LRRFIP2: variants seen among roughly 807,000 people sequenced by gnomAD.
LRRFIP2 encodes the protein LRR binding FLII interacting protein 2, also known as leucine-rich repeat flightless-interacting protein 2.
A neutral mutation model predicts 125.9 loss-of-function variants in LRRFIP2; 109 were observed. The observed-to-expected ratio is 0.87, with a 90% CI of 0.74 to 1.01. The LOEUF (loss-of-function observed/expected upper bound fraction) is 1.01. LRRFIP2 is among the 50% of genes least tolerant of loss of function. The pLI is 0.00. For missense variants in LRRFIP2, 850 were observed against 862.3 expected, an observed-to-expected ratio of 0.99 and a Z score of 0.18; for synonymous variants, 291 against 293.1, an observed-to-expected ratio of 0.99 and a Z score of 0.07.
chr3:37,125,032 A>G (rs188265840), intron 4 of LRRFIP2, among the ~76,000 whole-genome samples: 12 of 90,106 alleles, frequency 1.3e-4, no homozygotes, highest in African/African-American at 5.2e-4. Flanking sequence ...AGACTGGACA[A>G]ACAGTACAAC....
intron 14 of LRRFIP2, among the ~76,000 whole-genome samples, chr3:37,103,837 A>G (rs2094190964): frequency 6.6e-6 from 1 of 152,238 alleles, no homozygotes; most frequent in Non-Finnish European, 1.5e-5. Context: ...TAAATTCCAT[A>G]AAGTCAGAAA....
chr3:37,155,212 A>C (rs1267937002), intron 1 of LRRFIP2, among the ~76,000 whole-genome samples: 2 of 152,252 alleles, frequency 1.3e-5, no homozygotes. Context: ...AAATGAATTA[A>C]GAAAAATCCA....
Position 37,103,025 on chromosome 3 carries a change from A to T in LRRFIP2, c.784-12T>A, listed in dbSNP as rs747264845. Reference sequence around the variant, plus strand: ...TCAGCGGCAGATACCTTTCGGTCAGAAAAAAAACAAGATGCTTTCAAGGTT... The same window carrying T: ...TCAGCGGCAGATACCTTTCGGTCAGTAAAAAAACAAGATGCTTTCAAGGTT... On this transcript the variant is annotated splice_polypyrimidine_tract_variant and intron_variant, in intron 14 of 27. Coordinates refer to ENST00000336686, the MANE Select transcript of LRRFIP2 (RefSeq NM_006309.4). 1 of 1,539,820 alleles carries T rather than the reference A, an allele frequency of 6.5e-7. No homozygotes were observed. The highest frequency in any genetic ancestry group is 8.8e-7 in the Non-Finnish European group (1 of 1,138,246).
intron 24 of LRRFIP2, among the ~76,000 whole-genome samples, chr3:37,063,419 C>A (rs1167618877): frequency 2.6e-5 from 4 of 152,172 alleles, no homozygotes; most frequent in Non-Finnish European, 5.9e-5. Context: ...TACAGAGATA[C>A]AAGGACAGTA....
At chr3:37,108,954 T>C (rs1475557256) in intron 11 of LRRFIP2, among the ~76,000 whole-genome samples, 1 of 152,158 alleles carries the variant, frequency 6.6e-6, no homozygotes, top group African/African-American at 2.4e-5. Flanking sequence ...CGTGTACACA[T>C]TTATCTTCTC....
At chr3:37,111,219 CAA>C (rs1412932309) in intron 8 of LRRFIP2, among the ~76,000 whole-genome samples, 154 bp from the exon 9 acceptor site, 1 of 152,120 alleles carries the variant, frequency 6.6e-6, no homozygotes, top group African/African-American at 2.4e-5. Context: ...CACATTAAGT[CAA>C]AGTGACAATT....
At chr3:37,166,786 A>T (rs558684632) in intron 1 of LRRFIP2, among the ~76,000 whole-genome samples, 1 of 152,206 alleles carries the variant, frequency 6.6e-6, no homozygotes, top group South Asian at 2.1e-4. Flanking sequence ...TGGGAGGCTG[A>T]GGTGGGCGGA....
At chr3:37,054,627 G>GT in intron 26 of LRRFIP2, 112 bp from the exon 27 acceptor site, 1 of 714,650 alleles carries the variant, frequency 1.4e-6, no homozygotes. Context: ...CTACTAACAA[G>GT]TCCCCTAAGG....
intron 23 of LRRFIP2, chr3:37,065,505 G>A (rs2089935820): frequency 9.7e-6 from 5 of 514,204 alleles, no homozygotes; most frequent in South Asian, 6.2e-5. Flanking sequence ...CCTAGCACAG[G>A]TATACTAGAC....
At chr3:37,068,301 T>C (rs1159531549) in intron 21 of LRRFIP2, 1 of 152,190 alleles carries the variant, frequency 6.6e-6, no homozygotes, top group Non-Finnish European at 1.5e-5. Context: ...ATGCTCTACA[T>C]AAACAACAAC....
chr3:37,137,710 T>A (rs2095593279), intron 2 of LRRFIP2, among the ~76,000 whole-genome samples: 1 of 152,154 alleles, frequency 6.6e-6, no homozygotes, highest in Non-Finnish European at 1.5e-5. Flanking sequence ...ATGACTCAAA[T>A]CTAGCATCTC....
intron 14 of LRRFIP2, 40 bp downstream of exon 14, chr3:37,105,415 T>C: frequency 6.4e-7 from 1 of 1,561,302 alleles, no homozygotes; most frequent in Non-Finnish European, 8.8e-7. Context: ...TGCTGTCATT[T>C]AAAACTCATC....
intron 24 of LRRFIP2, 150 bp from the exon 25 acceptor site, chr3:37,059,060 C>T: frequency 1.1e-6 from 1 of 900,722 alleles, no homozygotes; most frequent in Non-Finnish European, 1.7e-6. Flanking sequence ...TAATAGGAGA[C>T]ACACATCGTC....
At chr3:37,123,252 G>C (rs969432353) in intron 4 of LRRFIP2, among the ~76,000 whole-genome samples, 1 of 152,120 alleles carries the variant, frequency 6.6e-6, no homozygotes, top group Admixed American at 6.5e-5. Flanking sequence ...GCAGTGGCGC[G>C]ACCTCAGTTC....
At chr3:37,088,622 G>A (rs1379100791) in intron 18 of LRRFIP2, among the ~76,000 whole-genome samples, 1 of 150,774 alleles carries the variant, frequency 6.6e-6, no homozygotes, top group Non-Finnish European at 1.5e-5. Flanking sequence ...GACCATCCTG[G>A]GCAGCATAGC....
At chr3:37,156,889 G>A (rs1162850551) in intron 1 of LRRFIP2, among the ~76,000 whole-genome samples, 1 of 152,072 alleles carries the variant, frequency 6.6e-6, no homozygotes, top group Non-Finnish European at 1.5e-5. Flanking sequence ...CAGCACTCTG[G>A]GAGGCCAAGG....
intron 2 of LRRFIP2, among the ~76,000 whole-genome samples, chr3:37,145,737 T>A (rs2095841766): frequency 6.6e-6 from 1 of 152,206 alleles, no homozygotes; most frequent in East Asian, 1.9e-4. Flanking sequence ...AAACAAAAAA[T>A]AAGCTATTAA....
At chr3:37,151,314 G>A (rs768239141) in intron 1 of LRRFIP2, among the ~76,000 whole-genome samples, 3 of 151,708 alleles carry the variant, frequency 2.0e-5, no homozygotes, top group Non-Finnish European at 4.4e-5. Flanking sequence ...AACCGAGATC[G>A]TGCCACTGCA....
rs150459135 is a variant in LRRFIP2, at chr3:37,162,366, A to G, written c.-56+12173T>C. On this transcript the variant is annotated intron_variant, in intron 1 of 27. Transcript: ENST00000336686. Reference sequence around the variant, plus strand: ...ACTTTACAAGCTTCCACAGGGTAGGAAAGTCAGGCCACACATAAAAGATTA... The same window carrying G: ...ACTTTACAAGCTTCCACAGGGTAGGGAAGTCAGGCCACACATAAAAGATTA... 4.4e-3 allele frequency among the ~76,000 whole-genome samples: 677 copies of G among 152,224 alleles called. 4 individuals carry two copies. The highest frequency in any genetic ancestry group is 0.034 in the Middle Eastern group (10 of 294).
Sources: allele counts gnomAD v4.1 joint callset (sites outside exome capture counted in the v4.1 genomes callset), GRCh38; gene constraint gnomAD v4.1.1; transcripts MANE v1.5; gene names NCBI Gene and HGNC (gene_info 2026-07-23, HGNC 2026-07-21).